The following PUDP variants were observed in gnomAD, a reference collection of about 807,000 sequenced individuals.
The protein encoded by PUDP is pseudouridine 5'-phosphatase.
PUDP carries 8 observed loss-of-function variants against 9.4 expected under a neutral mutation model. The observed-to-expected ratio is 0.85, with a 90% CI of 0.50 to 1.53. The LOEUF (loss-of-function observed/expected upper bound fraction) is 1.53, where lower values mean the gene tolerates loss of function less well. PUDP is among the 40% of genes most tolerant of loss of function. PUDP has a pLI of 0.00. For synonymous variants in PUDP, 99 were observed against 80.7 expected, an observed-to-expected ratio of 1.23 and a Z score of -1.22; for missense variants, 188 against 189.7, an observed-to-expected ratio of 0.99 and a Z score of 0.05.
chrX:7,114,141 C>A lies in PUDP; in HGVS notation c.62-8303G>T, dbSNP rs183866451. ...CAGGGCTGGAGTGCAAAGGCGTGAT[C>A]TCAGCTCACTGAAACCTCTGCATCC... On this transcript the variant is annotated intron_variant, in intron 1 of 3. Transcript: ENST00000381077. Among the ~76,000 whole-genome samples the A allele has an allele frequency of 5.8e-3, 647 of 111,576 alleles. 2 individuals carry two copies. The highest frequency in any genetic ancestry group is 1.0e-2 in the South Asian group (26 of 2,613).
At chrX:6,746,453 A>G (rs1172678950) in intron 3 of PUDP, among the ~76,000 whole-genome samples, 1 of 111,794 alleles carries the variant, frequency 8.9e-6, no homozygotes, top group Non-Finnish European at 1.9e-5. Flanking sequence ...GAAGTCGTGC[A>G]GGTTTGCTAC....
intron 2 of PUDP, chrX:7,085,044 C>T (rs1474314035): frequency 8.9e-6 from 1 of 112,032 alleles, no homozygotes; most frequent in Non-Finnish European, 1.9e-5. Context: ...CACGGTCCAG[C>T]AGACGTCGCT....
At chrX:6,827,197 T>C (rs1602636182) in intron 3 of PUDP, among the ~76,000 whole-genome samples, 1 of 111,997 alleles carries the variant, frequency 8.9e-6, no homozygotes, top group East Asian at 2.8e-4. Context: ...TCTGGATTGG[T>C]GACCCAAGCT....
chrX:7,123,523 C>T (rs1186361538), intron 1 of PUDP, among the ~76,000 whole-genome samples: 1 of 111,703 alleles, frequency 9.0e-6, no homozygotes, highest in Non-Finnish European at 1.9e-5. Flanking sequence ...CACGTAAATC[C>T]TGTCTTACCA....
intron 1 of PUDP, among the ~76,000 whole-genome samples, chrX:7,111,015 A>C (rs959365613): frequency 9.0e-6 from 1 of 111,710 alleles, no homozygotes; most frequent in African/African-American, 3.3e-5. Context: ...TCGAACTGTA[A>C]TCCCCAAGTG....
At chrX:7,003,349 CACCGGGGCTGTAGATGTGCTGATGA>C (rs1929354227) in intron 1 of PUDP, among the ~76,000 whole-genome samples, 1 of 111,155 alleles carries the variant, frequency 9.0e-6, no homozygotes, top group African/African-American at 3.3e-5. Context: ...GGAGGCGGCA[CACCGGGGCTGTAGATGTGCTGATGA>C]CATTCTGTGA....
chrX:7,062,052 T>G (rs1191960969), intron 3 of PUDP, among the ~76,000 whole-genome samples: 4 of 112,445 alleles, frequency 3.6e-5, no homozygotes, highest in Non-Finnish European at 7.5e-5. Flanking sequence ...TTCTTCCTGT[T>G]TTTTTGTGAG....
intron 3 of PUDP, among the ~76,000 whole-genome samples, chrX:6,964,005 G>A (rs184413713): frequency 8.2e-4 from 92 of 112,126 alleles, no homozygotes; most frequent in African/African-American, 2.5e-3. Flanking sequence ...ATCACTCAGG[G>A]ATAAGTGGCT....
chrX:6,829,093 A>G (rs1205616186), intron 3 of PUDP, among the ~76,000 whole-genome samples: 1 of 110,960 alleles, frequency 9.0e-6, no homozygotes, highest in Non-Finnish European at 1.9e-5. Flanking sequence ...ATGCAGCAAG[A>G]AGGAGCCATC....
At chrX:6,730,419 A>G (rs1924795019) in intron 3 of PUDP, among the ~76,000 whole-genome samples, 1 of 112,421 alleles carries the variant, frequency 8.9e-6, no homozygotes, top group African/African-American at 3.2e-5. Flanking sequence ...GTTCTTAGCC[A>G]TTACACAATC....
intron 1 of PUDP, among the ~76,000 whole-genome samples, chrX:6,995,108 C>T (rs772151666): frequency 9.3e-6 from 1 of 107,063 alleles, no homozygotes; most frequent in South Asian, 4.1e-4. Context: ...GCATGGCTTT[C>T]TTTTTTTTTT....
chrX:7,050,222 G>A lies in PUDP; in HGVS notation c.*74C>T. The A allele has an allele frequency of 4.8e-6, 5 of 1,037,063 alleles. No homozygotes were observed. Among genetic ancestry groups the A allele is most frequent in the Non-Finnish European group, 6.5e-6 (5 of 765,393 alleles). The allele number at this position is 1,037,063 out of a possible 1,213,427, so 85.5% of individuals were successfully genotyped here. A position where few individuals can be genotyped will look rare whatever the true frequency, so the allele number is the denominator to read the frequency against. ...CGCAGGTTGGGATTGAAGAGTTGCT[G>A]ATTTCCTTTCCCTTTCCCCCAGCAG... On this transcript the variant is annotated 3_prime_UTR_variant, in exon 4 of 4. Transcript: ENST00000381077.
intron 3 of PUDP, among the ~76,000 whole-genome samples, chrX:6,740,049 T>C (rs147312892): frequency 4.5e-5 from 5 of 111,776 alleles, no homozygotes; most frequent in Non-Finnish European, 3.8e-5. Flanking sequence ...TAATTTTTAC[T>C]ATTCCCTATT....
At chrX:6,885,930 A>G (rs1391790027) in intron 3 of PUDP, among the ~76,000 whole-genome samples, 1 of 112,353 alleles carries the variant, frequency 8.9e-6, no homozygotes, top group African/African-American at 3.2e-5. Flanking sequence ...GAATGTATGG[A>G]GTGGCTTTTT....
At chrX:6,887,451 C>T (rs936032996) in intron 3 of PUDP, among the ~76,000 whole-genome samples, 2 of 109,911 alleles carry the variant, frequency 1.8e-5, no homozygotes, top group Admixed American at 9.9e-5. Context: ...TCAACACTGG[C>T]GAAACATAAG....
chrX:6,714,660 T>C (rs1426167424), intron 1 of PUDP, among the ~76,000 whole-genome samples: 2 of 111,132 alleles, frequency 1.8e-5, no homozygotes, highest in Non-Finnish European at 3.8e-5. Context: ...ATGGAGATGA[T>C]TGATAGATGT....
At chrX:7,054,075 C>T (rs762607711) in intron 3 of PUDP, among the ~76,000 whole-genome samples, 20 of 111,595 alleles carry the variant, frequency 1.8e-4, no homozygotes, top group Non-Finnish European at 3.0e-4. Context: ...TGAAGAGTGG[C>T]GAAAAGTCAA....
chrX:7,041,197 G>A (rs1045099643), intron 1 of PUDP, among the ~76,000 whole-genome samples: 3 of 111,705 alleles, frequency 2.7e-5, no homozygotes, highest in African/African-American at 6.5e-5. Flanking sequence ...GATGAGCTCC[G>A]TTCAGGGCAG....
intron 3 of PUDP, among the ~76,000 whole-genome samples, chrX:6,953,718 C>G (rs899496488): frequency 9.0e-6 from 1 of 111,249 alleles, no homozygotes; most frequent in African/African-American, 3.3e-5. Context: ...ACATTCACCC[C>G]TATAGCCCCC....
Sources: gnomAD v4.1 joint callset for allele counts (sites outside exome capture counted in the v4.1 genomes callset) on GRCh38, gnomAD v4.1.1 for gene constraint, MANE v1.5 for transcripts, NCBI Gene and HGNC (gene_info 2026-07-23, HGNC 2026-07-21) for gene names.